Variants in CNGA3 observed in about 807,000 individuals in gnomAD.
CNGA3 encodes cyclic nucleotide-gated channel alpha-3.
Under a neutral mutation model 46.6 loss-of-function variants are expected in CNGA3, and 42 were observed. The observed-to-expected ratio is 0.90, with a 90% CI of 0.70 to 1.17. The LOEUF is 1.17. CNGA3 is among the 50% of genes most tolerant of loss of function. The pLI, the probability that CNGA3 is intolerant of heterozygous loss-of-function variation, is 0.00. For missense variants in CNGA3, 893 were observed against 890.7 expected, an observed-to-expected ratio of 1.00 and a Z score of -0.03; for synonymous variants, 394 against 369.4, an observed-to-expected ratio of 1.07 and a Z score of -0.76.
chr2:98,375,470 T>C (rs572763024), intron 2 of CNGA3, among the ~76,000 whole-genome samples: 1 of 152,338 alleles, frequency 6.6e-6, no homozygotes, highest in East Asian at 1.9e-4. Flanking sequence ...TGCCACCTCC[T>C]CCTGCAACCA....
intron 6 of CNGA3, among the ~76,000 whole-genome samples, chr2:98,391,279 C>T (rs1459485425): frequency 6.6e-6 from 1 of 152,070 alleles, no homozygotes; most frequent in African/African-American, 2.4e-5. Flanking sequence ...CTCTGGTGCA[C>T]GCGGGCTCTG....
intron 5 of CNGA3, among the ~76,000 whole-genome samples, chr2:98,386,933 A>T (rs1692668218): frequency 6.6e-6 from 1 of 152,230 alleles, no homozygotes; most frequent in Non-Finnish European, 1.5e-5. Context: ...ACTCTGGGGG[A>T]TGGCAGCCCT....
chr2:98,387,138 C>T (rs1258794678), intron 5 of CNGA3, among the ~76,000 whole-genome samples: 5 of 152,222 alleles, frequency 3.3e-5, no homozygotes, highest in African/African-American at 7.2e-5. Context: ...CGTTTTCCCA[C>T]GTCACTAGCT....
intron 1 of CNGA3, among the ~76,000 whole-genome samples, chr2:98,362,975 T>C (rs992250382): frequency 6.6e-6 from 1 of 152,218 alleles, no homozygotes; most frequent in African/African-American, 2.4e-5. Flanking sequence ...TGTGTGGTCT[T>C]ATTTCTGAGT....
chr2:98,370,943 G>A (rs369806851), intron 2 of CNGA3, among the ~76,000 whole-genome samples: 2 of 152,140 alleles, frequency 1.3e-5, no homozygotes, highest in African/African-American at 4.8e-5. Context: ...TCCTGCCTCA[G>A]CCTCTCTAGT....
intron 7 of CNGA3, among the ~76,000 whole-genome samples, chr2:98,394,753 A>G (rs1388131950): frequency 6.6e-6 from 1 of 152,194 alleles, no homozygotes; most frequent in African/African-American, 2.4e-5. Flanking sequence ...CAGGAAGTCA[A>G]ACTCACTCTG....
chr2:98,363,866 T>C (rs756034413), intron 1 of CNGA3, among the ~76,000 whole-genome samples: 4 of 152,312 alleles, frequency 2.6e-5, no homozygotes, highest in East Asian at 3.9e-4. Flanking sequence ...TCTGTCTCGA[T>C]GATCTGTCTA....
chr2:98,377,233 G>A (rs1692425013), intron 2 of CNGA3: 1 of 180,328 alleles, frequency 5.5e-6, no homozygotes, highest in Non-Finnish European at 1.2e-5. Flanking sequence ...AGCACACGCA[G>A]TGGGAAGGGA....
chr2:98,370,709 T>C (rs1277183425), intron 2 of CNGA3, among the ~76,000 whole-genome samples: 2 of 152,230 alleles, frequency 1.3e-5, no homozygotes, highest in Non-Finnish European at 2.9e-5. Context: ...AACCACTCCA[T>C]GCCTCAATTT....
chr2:98,384,385 G>A (rs3769746), intron 5 of CNGA3, among the ~76,000 whole-genome samples: 1 of 152,096 alleles, frequency 6.6e-6, no homozygotes, highest in African/African-American at 2.4e-5. Flanking sequence ...GTCTTAGTTG[G>A]AGATTAGGGA....
intron 1 of CNGA3, among the ~76,000 whole-genome samples, chr2:98,356,447 A>T (rs550610508): frequency 3.6e-4 from 55 of 152,148 alleles, no homozygotes; most frequent in African/African-American, 9.9e-4. Context: ...AAGACTCTGT[A>T]CTCTGTCCTG....
chr2:98,360,152 C>A (rs1691995026), intron 1 of CNGA3, among the ~76,000 whole-genome samples: 1 of 152,204 alleles, frequency 6.6e-6, no homozygotes, highest in Non-Finnish European at 1.5e-5. Flanking sequence ...TCAGCAGCAA[C>A]CTTAAGGAAA....
At chr2:98,367,091 C>A (rs1167512072) in intron 1 of CNGA3, among the ~76,000 whole-genome samples, 1 of 151,962 alleles carries the variant, frequency 6.6e-6, no homozygotes, top group Non-Finnish European at 1.5e-5. Context: ...ACTGAGAGAA[C>A]CTGGACACCT....
intron 1 of CNGA3, among the ~76,000 whole-genome samples, chr2:98,346,800 G>A (rs1197086313): frequency 1.3e-5 from 2 of 152,112 alleles, no homozygotes; most frequent in Non-Finnish European, 2.9e-5. Flanking sequence ...CAAAGGACAG[G>A]AAGCCCTCCC....
At chr2:98,382,833 CAA>C (rs368322404) in intron 4 of CNGA3, among the ~76,000 whole-genome samples, 35 of 152,280 alleles carry the variant, frequency 2.3e-4, no homozygotes, top group African/African-American at 7.9e-4. Context: ...TAGGAGAGGA[CAA>C]GAGGAGGAGA....
rs201877346 is a variant in CNGA3, at chr2:98,396,612, G to A, written c.1442G>A (p.Arg481His). The A allele has an allele frequency of 1.6e-4, 261 of 1,613,870 alleles. 1 individual carries two copies. The highest frequency in any genetic ancestry group is 3.6e-5 in the Non-Finnish European group (42 of 1,179,970). The change falls in exon 8 of 8, where the codon CGC becomes CAC. Residue 481 changes from arginine (R) to histidine (H), a missense_variant. Coordinates refer to ENST00000272602, the MANE Select transcript of CNGA3 (RefSeq NM_001298.3). ...CACCTGGACACGCTGAAGAAGGTTCGCATCTTCCAGGACTGTGAGGCAGGG... is the reference window on the plus strand; with the variant it reads ...CACCTGGACACGCTGAAGAAGGTTCACATCTTCCAGGACTGTGAGGCAGGG... ...NVHLDTLKKV[R>H]IFQDCEAGLL...
intron 1 of CNGA3, among the ~76,000 whole-genome samples, chr2:98,356,193 G>T (rs1430867864): frequency 6.6e-6 from 1 of 152,228 alleles, no homozygotes; most frequent in Non-Finnish European, 1.5e-5. Flanking sequence ...GACCCTGGGG[G>T]AGTTCTTGAC....
At chr2:98,380,825 T>C (rs1692521155) in intron 4 of CNGA3, among the ~76,000 whole-genome samples, 1 of 152,166 alleles carries the variant, frequency 6.6e-6, no homozygotes, top group Non-Finnish European at 1.5e-5. Flanking sequence ...TGCATTTTTC[T>C]GGGAAGAGAG....
At chr2:98,364,801 T>G (rs72819945) in intron 1 of CNGA3, among the ~76,000 whole-genome samples, 29,185 of 152,048 alleles carry the variant, frequency 0.19, 3,201 homozygotes, top group Non-Finnish European at 0.26. Flanking sequence ...CTCCTGCAAG[T>G]CCTGGTGCTG....
Sources: gnomAD v4.1 joint callset for allele counts (sites outside exome capture counted in the v4.1 genomes callset) on GRCh38, gnomAD v4.1.1 for gene constraint, MANE v1.5 for transcripts, NCBI Gene and HGNC (gene_info 2026-07-23, HGNC 2026-07-21) for gene names.